WWOX: variants seen among roughly 807,000 people sequenced by gnomAD.
WWOX encodes the protein WW domain-containing oxidoreductase.
WWOX carries 69 observed loss-of-function variants against 46.2 expected under a neutral mutation model. The observed-to-expected ratio is 1.49, with a 90% confidence interval of 1.23 to 1.82. WWOX has a LOEUF of 1.82. Among genes scored for constraint, WWOX ranks in the 40% most tolerant of loss-of-function variants. The pLI, the probability that WWOX is intolerant of heterozygous loss-of-function variation, is 0.00. For missense variants in WWOX, 919 were observed against 542.6 expected, an observed-to-expected ratio of 1.69 and a Z score of -6.89; for synonymous variants, 359 against 202.6, an observed-to-expected ratio of 1.77 and a Z score of -6.56.
intron 4 of WWOX, among the ~76,000 whole-genome samples, chr16:78,132,771 T>A (rs2033648312): frequency 6.6e-6 from 1 of 152,188 alleles, no homozygotes; most frequent in South Asian, 2.1e-4. Context: ...GCTCTTCGAT[T>A]CTCACGTGCT....
chr16:78,967,601 A>G (rs1477579446), intron 8 of WWOX, among the ~76,000 whole-genome samples: 1 of 151,512 alleles, frequency 6.6e-6, no homozygotes, highest in Non-Finnish European at 1.5e-5. Context: ...CACTATGCCC[A>G]ATACCCCCTA....
intron 8 of WWOX, among the ~76,000 whole-genome samples, chr16:78,587,577 G>T (rs529040035): frequency 1.3e-5 from 2 of 152,044 alleles, no homozygotes; most frequent in African/African-American, 2.4e-5. Context: ...CCTGATTACC[G>T]TAAACAGAGA....
intron 4 of WWOX, among the ~76,000 whole-genome samples, chr16:78,156,786 T>C (rs1407615983): frequency 6.6e-6 from 1 of 152,104 alleles, no homozygotes; most frequent in Non-Finnish European, 1.5e-5. Flanking sequence ...TAGCTGGGTG[T>C]GGTGGCACGC....
chr16:78,683,185 A>AT (rs200661478), intron 8 of WWOX, among the ~76,000 whole-genome samples: 1,794 of 152,130 alleles, frequency 0.012, 10 homozygotes, highest in Non-Finnish European at 0.02. Context: ...GGTCTTTAAA[A>AT]TTTTTTTTAA....
At chr16:78,751,966 C>T (rs1567535915) in intron 8 of WWOX, among the ~76,000 whole-genome samples, 2 of 151,860 alleles carry the variant, frequency 1.3e-5, no homozygotes, top group East Asian at 3.9e-4. Flanking sequence ...TGGAAGTGGG[C>T]TGCCACAATA....
intron 8 of WWOX, among the ~76,000 whole-genome samples, chr16:78,626,303 G>T (rs1205763625): frequency 1.3e-5 from 2 of 151,854 alleles, no homozygotes; most frequent in Non-Finnish European, 2.9e-5. Flanking sequence ...GCTAATTTTT[G>T]CAGGATACCA....
chr16:79,117,997 A>C (rs1259028297), intron 8 of WWOX, among the ~76,000 whole-genome samples: 1 of 152,248 alleles, frequency 6.6e-6, no homozygotes, highest in Non-Finnish European at 1.5e-5. Context: ...TCACTAGAAT[A>C]GCACTTTTAA....
chr16:78,327,631 C>T (rs972252829), intron 5 of WWOX, among the ~76,000 whole-genome samples: 8 of 152,182 alleles, frequency 5.3e-5, no homozygotes, highest in African/African-American at 1.9e-4. Flanking sequence ...AGAGATTCCA[C>T]AATCTTCTAT....
chr16:78,150,307 A>AT (rs139494136), intron 4 of WWOX, among the ~76,000 whole-genome samples: 1 of 152,286 alleles, frequency 6.6e-6, no homozygotes, highest in East Asian at 1.9e-4. Context: ...CCCTCCCGGC[A>AT]TGCCCCTCTC....
intron 8 of WWOX, among the ~76,000 whole-genome samples, chr16:78,608,539 C>T (rs1308484082): frequency 1.3e-5 from 2 of 152,164 alleles, no homozygotes; most frequent in East Asian, 3.9e-4. Flanking sequence ...GTTCAAGAGC[C>T]ACTCTGTGCA....
At chr16:78,363,896 A>T (rs985422393) in intron 5 of WWOX, among the ~76,000 whole-genome samples, 2 of 152,014 alleles carry the variant, frequency 1.3e-5, no homozygotes, top group Admixed American at 6.6e-5. Flanking sequence ...CAGCATGGAG[A>T]CCCCAGGCCG....
chr16:78,662,512 C>G (rs917057301), intron 8 of WWOX, among the ~76,000 whole-genome samples: 4 of 152,120 alleles, frequency 2.6e-5, no homozygotes, highest in African/African-American at 9.7e-5. Flanking sequence ...ATCCCGATAC[C>G]ACTATCAGGC....
At chr16:78,749,182 G>A (rs1445578760) in intron 8 of WWOX, among the ~76,000 whole-genome samples, 1 of 152,130 alleles carries the variant, frequency 6.6e-6, no homozygotes, top group Non-Finnish European at 1.5e-5. Context: ...GCACTGCCAT[G>A]GGGTGACCTG....
At chr16:78,145,062 A>G (rs1226994535) in intron 4 of WWOX, among the ~76,000 whole-genome samples, 3 of 152,124 alleles carry the variant, frequency 2.0e-5, no homozygotes, top group Non-Finnish European at 4.4e-5. Context: ...GGTAGCTTAA[A>G]CAACAAAATT....
intron 8 of WWOX, among the ~76,000 whole-genome samples, chr16:78,630,767 C>T (rs867430647): frequency 2.1e-4 from 32 of 152,132 alleles, no homozygotes; most frequent in African/African-American, 4.3e-4. Context: ...CCTGGGTTGG[C>T]GTTTCAGTGC....
intron 8 of WWOX, among the ~76,000 whole-genome samples, chr16:78,943,448 A>C (rs1179031986): frequency 6.6e-6 from 1 of 152,132 alleles, no homozygotes; most frequent in Non-Finnish European, 1.5e-5. Flanking sequence ...CTAGAGGGAG[A>C]AACAGGGAGG....
intron 5 of WWOX, among the ~76,000 whole-genome samples, chr16:78,205,432 C>A (rs1440533781): frequency 1.3e-5 from 2 of 152,086 alleles, no homozygotes; most frequent in African/African-American, 4.8e-5. Flanking sequence ...ATCCACACAA[C>A]CACTTATTCT....
At chr16:78,681,733 G>C (rs1198595382) in intron 8 of WWOX, among the ~76,000 whole-genome samples, 2 of 152,210 alleles carry the variant, frequency 1.3e-5, no homozygotes, top group Non-Finnish European at 2.9e-5. Flanking sequence ...GAATGGGACA[G>C]TTTCCAATAC....
In WWOX at chr16:78,565,200, C is replaced by G. The variant is rs535236455; in HGVS notation, c.1056+132448C>G. On this transcript the variant is annotated intron_variant, in intron 8 of 8. Coordinates refer to ENST00000566780, the MANE Select transcript of WWOX (RefSeq NM_016373.4). Reference sequence around the variant, plus strand: ...AACTCCATCACTGTGTTTCTTTCCTCTTGCTGATAGCTGATTTGTTATAAA... The same window carrying G: ...AACTCCATCACTGTGTTTCTTTCCTGTTGCTGATAGCTGATTTGTTATAAA... 4.6e-5 allele frequency among the ~76,000 whole-genome samples: 7 copies of G among 152,300 alleles called. No homozygotes were observed. In the South Asian group the frequency reaches 1.4e-3, roughly 32 times the overall value.
Sources: allele counts gnomAD v4.1 joint callset (sites outside exome capture counted in the v4.1 genomes callset), GRCh38; gene constraint gnomAD v4.1.1; transcripts MANE v1.5; gene names NCBI Gene and HGNC (gene_info 2026-07-23, HGNC 2026-07-21).